Variants in FHIT observed in about 807,000 individuals in gnomAD.
FHIT encodes bis(5'-adenosyl)-triphosphatase.
A neutral mutation model predicts 17.9 loss-of-function variants in FHIT; 19 were observed. That is an observed-to-expected ratio of 1.06 (90% CI 0.74 to 1.56). FHIT has a LOEUF of 1.56. FHIT is among the 40% of genes most tolerant of loss of function. FHIT has a pLI of 0.00. For synonymous variants in FHIT, 81 were observed against 69.7 expected (o/e 1.16, Z -0.81); for missense variants, 248 against 189.2 (o/e 1.31, Z -1.82).
chr3:60,462,255 TC>T (rs1559934299), intron 5 of FHIT, among the ~76,000 whole-genome samples: 1 of 152,176 alleles, frequency 6.6e-6, no homozygotes, highest in East Asian at 1.9e-4. Flanking sequence ...TCATTTACTC[TC>T]CACCACACCT....
At chr3:60,798,545 A>G (rs1553731165) in intron 4 of FHIT, among the ~76,000 whole-genome samples, 1 of 152,124 alleles carries the variant, frequency 6.6e-6, no homozygotes, top group East Asian at 1.9e-4. Context: ...GGATTTGTTA[A>G]TTTTTAAATA....
chr3:60,128,487 A>G (rs1699360147), intron 5 of FHIT, among the ~76,000 whole-genome samples: 1 of 152,180 alleles, frequency 6.6e-6, no homozygotes, highest in African/African-American at 2.4e-5. Flanking sequence ...TCTTTCCTTT[A>G]TAAATTGTCC....
intron 8 of FHIT, among the ~76,000 whole-genome samples, chr3:59,760,393 C>A (rs980464641): frequency 5.9e-5 from 9 of 152,098 alleles, no homozygotes; most frequent in African/African-American, 1.9e-4. Context: ...CATTGTCAAG[C>A]CGATTGCCAA....
intron 5 of FHIT, among the ~76,000 whole-genome samples, chr3:60,532,484 T>G (rs1157724171): frequency 6.6e-6 from 1 of 152,224 alleles, no homozygotes; most frequent in Non-Finnish European, 1.5e-5. Context: ...ATAGCTGGGC[T>G]GCACTGAGAC....
chr3:60,535,106 C>T (rs2035933730), intron 5 of FHIT, among the ~76,000 whole-genome samples: 1 of 152,168 alleles, frequency 6.6e-6, no homozygotes, highest in African/African-American at 2.4e-5. Flanking sequence ...TGCCTGTGGT[C>T]CCAGCTACTT....
chr3:60,868,100 G>A (rs1335493867), intron 3 of FHIT, among the ~76,000 whole-genome samples: 1 of 152,128 alleles, frequency 6.6e-6, no homozygotes, highest in African/African-American at 2.4e-5. Context: ...ACATAAGAAG[G>A]TTGGAAAGGC....
At chr3:60,013,972 A>G (rs1183316607) in intron 6 of FHIT, 35 bp downstream of exon 6, 2 of 1,607,336 alleles carry the variant, frequency 1.2e-6, no homozygotes, top group African/African-American at 2.7e-5. Context: ...TATGAAAGGG[A>G]AGAAAAATCA....
chr3:60,344,006 C>T (rs1710652353), intron 5 of FHIT, among the ~76,000 whole-genome samples: 1 of 152,188 alleles, frequency 6.6e-6, no homozygotes, highest in South Asian at 2.1e-4. Context: ...TGCTTTCAAA[C>T]TCTATGACTA....
At chr3:60,041,369 G>A (rs1483507287) in intron 5 of FHIT, among the ~76,000 whole-genome samples, 2 of 152,118 alleles carry the variant, frequency 1.3e-5, no homozygotes, top group African/African-American at 4.8e-5. Flanking sequence ...TTTTTCTTGA[G>A]CCAATGACTT....
At chr3:60,408,204 T>C (rs957899587) in intron 5 of FHIT, among the ~76,000 whole-genome samples, 4 of 152,192 alleles carry the variant, frequency 2.6e-5, no homozygotes, top group Non-Finnish European at 5.9e-5. Flanking sequence ...AACGGCCCAC[T>C]GGACTAACCA....
At chr3:60,649,350 C>T (rs1182607740) in intron 4 of FHIT, among the ~76,000 whole-genome samples, 2 of 151,998 alleles carry the variant, frequency 1.3e-5, no homozygotes, top group South Asian at 4.2e-4. Context: ...TGCAGCTAGC[C>T]GAGATGGCAC....
intron 5 of FHIT, among the ~76,000 whole-genome samples, chr3:60,354,865 T>C (rs759527314): frequency 1.1e-4 from 16 of 152,168 alleles, no homozygotes; most frequent in South Asian, 4.1e-4. Context: ...GACTTGACTT[T>C]GAGGACAGGA....
At chr3:60,110,503 C>G (rs937064944) in intron 5 of FHIT, among the ~76,000 whole-genome samples, 2 of 152,124 alleles carry the variant, frequency 1.3e-5, no homozygotes, top group Non-Finnish European at 2.9e-5. Context: ...CAGTTTATGG[C>G]TTAGTGATGT....
chr3:59,929,429 G>A (rs1472151821), intron 7 of FHIT, among the ~76,000 whole-genome samples: 1 of 139,596 alleles, frequency 7.2e-6, no homozygotes, highest in Non-Finnish European at 1.5e-5. Context: ...GGAGTGCAGT[G>A]GCACGATCTC....
chr3:60,924,155 C>T (rs1332792509), intron 3 of FHIT, among the ~76,000 whole-genome samples: 1 of 152,294 alleles, frequency 6.6e-6, no homozygotes, highest in South Asian at 2.1e-4. Context: ...AAACAAAAGG[C>T]AGCAAAAACC....
chr3:60,598,149 G>A (rs1345513094), intron 4 of FHIT, among the ~76,000 whole-genome samples: 1 of 152,120 alleles, frequency 6.6e-6, no homozygotes, highest in Non-Finnish European at 1.5e-5. Context: ...TCATATTGGA[G>A]AGCACATAGG....
chr3:60,935,848 T>C (rs1708170643), intron 3 of FHIT, among the ~76,000 whole-genome samples: 1 of 152,208 alleles, frequency 6.6e-6, no homozygotes, highest in African/African-American at 2.4e-5. Flanking sequence ...TCTCCTTCTC[T>C]TCGCACATGG....
intron 4 of FHIT, among the ~76,000 whole-genome samples, chr3:60,573,007 C>G (rs2037439960): frequency 6.6e-6 from 1 of 152,114 alleles, no homozygotes; most frequent in South Asian, 2.1e-4. Flanking sequence ...AAAACTGAGG[C>G]CCAAGTTACA....
chr3:60,650,040 T>C (rs2039955185), intron 4 of FHIT, among the ~76,000 whole-genome samples: 1 of 152,234 alleles, frequency 6.6e-6, no homozygotes, highest in South Asian at 2.1e-4. Flanking sequence ...CTTATCTTTA[T>C]GTTCTGGGGG....
Sources: gnomAD v4.1 joint callset for allele counts (sites outside exome capture counted in the v4.1 genomes callset) on GRCh38, gnomAD v4.1.1 for gene constraint, MANE v1.5 for transcripts, NCBI Gene and HGNC (gene_info 2026-07-23, HGNC 2026-07-21) for gene names.